KCNJ6: variants seen among roughly 807,000 people sequenced by gnomAD.
KCNJ6 encodes potassium inwardly rectifying channel subfamily J member 6.
KCNJ6 carries 9 observed loss-of-function variants against 34.2 expected under a neutral mutation model. That is an observed-to-expected ratio of 0.26 (90% confidence interval 0.16 to 0.46). KCNJ6 has a LOEUF of 0.46. KCNJ6 is among the 20% of genes least tolerant of loss of function. The pLI is 1.00. For missense variants in KCNJ6, 236 were observed against 531.3 expected (o/e 0.44, Z 5.46); for synonymous variants, 196 against 207.1 (o/e 0.95, Z 0.46).
At chr21:37,822,475 A>C (rs1362956229) in intron 2 of KCNJ6, among the ~76,000 whole-genome samples, 1 of 151,926 alleles carries the variant, frequency 6.6e-6, no homozygotes, top group Non-Finnish European at 1.5e-5. Flanking sequence ...CTGAAAACCC[A>C]CTCAGCTCTC....
In KCNJ6 at chr21:37,625,427, C is replaced by T. The variant is rs1261180067; in HGVS notation, c.1004G>A (p.Arg335Gln). Residue 335 changes from arginine (R) to glutamine (Q), a missense_variant, in exon 4 of 4, where the codon CGG becomes CAG. By Grantham distance (43) the Arg-to-Gln change is conservative. Coordinates refer to ENST00000609713, the MANE Select transcript of KCNJ6 (RefSeq NM_002240.5). ...YITSEILWGY[R>Q]FTPVLTLEDG... ...CTCCAGGGTCAGGACAGGTGTGAAC[C>T]GGTAACCCCACAGGATCTCACTGGT... 5.6e-6 allele frequency: 9 copies of T among 1,614,146 alleles called. No homozygotes were observed. Among genetic ancestry groups the T allele is most frequent in the Non-Finnish European group, 7.6e-6 (9 of 1,180,012 alleles).
intron 2 of KCNJ6, among the ~76,000 whole-genome samples, chr21:37,787,613 T>C (rs2055198488): frequency 6.6e-6 from 1 of 152,166 alleles, no homozygotes; most frequent in South Asian, 2.1e-4. Flanking sequence ...CCCAAGGACA[T>C]GAATGTATTT....
intron 2 of KCNJ6, among the ~76,000 whole-genome samples, chr21:37,807,809 G>T (rs2055301276): frequency 6.6e-6 from 1 of 152,154 alleles, no homozygotes; most frequent in Admixed American, 6.6e-5. Context: ...TGCTCCGCAG[G>T]CCCAGAGCTC....
chr21:37,818,681 T>C (rs2055359508), intron 2 of KCNJ6, among the ~76,000 whole-genome samples: 1 of 152,242 alleles, frequency 6.6e-6, no homozygotes, highest in Admixed American at 6.5e-5. Flanking sequence ...TTTTATCTTG[T>C]TACAATGATA....
At chr21:37,734,298 T>C (rs923954774) in intron 2 of KCNJ6, among the ~76,000 whole-genome samples, 1 of 152,126 alleles carries the variant, frequency 6.6e-6, no homozygotes, top group Admixed American at 6.6e-5. Context: ...ATTGAGGGGC[T>C]TGTGACTTTG....
At chr21:37,643,124 G>A (rs1458567731) in intron 3 of KCNJ6, among the ~76,000 whole-genome samples, 1 of 152,098 alleles carries the variant, frequency 6.6e-6, no homozygotes, top group Non-Finnish European at 1.5e-5. Context: ...GCATATAGTT[G>A]GGCAATTTTC....
At chr21:37,748,110 A>C (rs1213480559) in intron 2 of KCNJ6, among the ~76,000 whole-genome samples, 1 of 152,188 alleles carries the variant, frequency 6.6e-6, no homozygotes, top group East Asian at 1.9e-4. Flanking sequence ...TTTTATGGAC[A>C]GTGTAAGTTT....
chr21:37,687,307 A>G (rs1416618436), intron 3 of KCNJ6, among the ~76,000 whole-genome samples: 1 of 152,140 alleles, frequency 6.6e-6, no homozygotes, highest in Admixed American at 6.5e-5. Context: ...ACCACTTTTC[A>G]GTTGTCATGC....
At position 37,611,769 on chromosome 21, in the gene KCNJ6, A is replaced by G. The variant is rs2054243493; in HGVS notation, c.*13390T>C. 1 of 152,176 alleles carries G rather than the reference A, an allele frequency of 6.6e-6. No homozygotes were observed. The highest frequency in any genetic ancestry group is 2.4e-5 in the African/African-American group (1 of 41,450). The allele number at this position is 152,176 out of a possible 1,614,324, so 9.4% of individuals were successfully genotyped here. On this transcript the variant is annotated 3_prime_UTR_variant, in exon 4 of 4. Coordinates refer to ENST00000609713, the MANE Select transcript of KCNJ6 (RefSeq NM_002240.5). ...CATATCAACAGATGCAGAAAAATCC[A>G]AACAGTCTTTCATGATAAAAACACT...
intron 3 of KCNJ6, among the ~76,000 whole-genome samples, chr21:37,693,379 G>C (rs989823777): frequency 2.0e-5 from 3 of 152,188 alleles, no homozygotes; most frequent in Admixed American, 6.5e-5. Context: ...CTGAGTTGCA[G>C]AATGAAGGAG....
intron 3 of KCNJ6, among the ~76,000 whole-genome samples, chr21:37,683,944 A>T (rs1015708844): frequency 1.3e-5 from 2 of 152,236 alleles, no homozygotes; most frequent in Admixed American, 1.3e-4. Flanking sequence ...TGAGAGGCAC[A>T]GTGACCACGT....
rs761577433 is a variant in KCNJ6 at position 37,675,586 on chromosome 21, G to A, written c.946+38625C>T. Among the ~76,000 whole-genome samples the A allele has an allele frequency of 2.3e-3, 355 of 152,340 alleles. 2 individuals carry two copies. The highest frequency in any genetic ancestry group is 2.9e-3 in the Non-Finnish European group (195 of 68,026). ...CCCAGTCCCTGGGCGCCGCCGCATCGCCCTGCCCTGAGCGGAATTCTCCGG... is the reference window on the plus strand; with the variant it reads ...CCCAGTCCCTGGGCGCCGCCGCATCACCCTGCCCTGAGCGGAATTCTCCGG... On this transcript the variant is annotated intron_variant, in intron 3 of 3. Transcript: ENST00000609713. The surrounding 1 kb of genome is among the most constrained non-coding windows in gnomAD (Gnocchi z 4.2).
chr21:37,660,765 C>T (rs559403055), intron 3 of KCNJ6, among the ~76,000 whole-genome samples: 12 of 152,344 alleles, frequency 7.9e-5, no homozygotes, highest in Admixed American at 2.6e-4. Flanking sequence ...ACGCTTACTG[C>T]GGGCCAGGCA....
intron 2 of KCNJ6, among the ~76,000 whole-genome samples, chr21:37,809,452 C>G (rs552824800): frequency 1.1e-3 from 172 of 151,836 alleles, no homozygotes; most frequent in African/African-American, 3.8e-3. Flanking sequence ...GTGCAGCACA[C>G]CAACATGGCA....
At chr21:37,690,720 TA>T (rs2054635658) in intron 3 of KCNJ6, among the ~76,000 whole-genome samples, 1 of 152,094 alleles carries the variant, frequency 6.6e-6, no homozygotes, top group South Asian at 2.1e-4. Flanking sequence ...TGGACATAAA[TA>T]TTCGTACATC....
At chr21:37,794,499 G>C (rs192278588) in intron 2 of KCNJ6, among the ~76,000 whole-genome samples, 316 of 152,318 alleles carry the variant, frequency 2.1e-3, no homozygotes, top group African/African-American at 4.9e-3. Flanking sequence ...CCTCACTAAT[G>C]TTAGCTGTTA....
At chr21:37,670,507 G>A (rs940293032) in intron 3 of KCNJ6, among the ~76,000 whole-genome samples, 1 of 152,162 alleles carries the variant, frequency 6.6e-6, no homozygotes, top group Non-Finnish European at 1.5e-5. Context: ...GCTCACACCT[G>A]TAATCTCAGC....
intron 2 of KCNJ6, among the ~76,000 whole-genome samples, chr21:37,783,045 A>G (rs1363431064): frequency 1.3e-5 from 2 of 152,098 alleles, no homozygotes; most frequent in Non-Finnish European, 2.9e-5. Context: ...TGCCCAAAAG[A>G]CTGTCAAGCT....
chr21:37,775,461 T>A (rs2055137683), intron 2 of KCNJ6, among the ~76,000 whole-genome samples: 2 of 152,368 alleles, frequency 1.3e-5, no homozygotes, highest in African/African-American at 4.8e-5. Flanking sequence ...CTAGGTTTTC[T>A]TCTAGAGTTT....
Sources: allele counts gnomAD v4.1 joint callset (sites outside exome capture counted in the v4.1 genomes callset), GRCh38; gene constraint gnomAD v4.1.1; non-coding constraint Gnocchi (gnomAD v3.1); transcripts MANE v1.5; gene names NCBI Gene and HGNC (gene_info 2026-07-23, HGNC 2026-07-21).